ZNFX1: variants seen among roughly 807,000 people sequenced by gnomAD.
ZNFX1 encodes the protein NFX1-type zinc finger-containing protein 1.
A neutral mutation model predicts 179.8 loss-of-function variants in ZNFX1; 78 were observed. The observed-to-expected ratio is 0.43, with a 90% CI of 0.36 to 0.52. ZNFX1 has a LOEUF of 0.52. Ranked by LOEUF, ZNFX1 falls within the 20% of genes least tolerant of loss-of-function variation. ZNFX1 has a pLI of 0.00. For synonymous variants in ZNFX1, 848 were observed against 868.5 expected (o/e 0.98, Z 0.42); for missense variants, 1,927 against 2,386.6 (o/e 0.81, Z 4.01).
At position 49,266,492 on chromosome 20, in the gene ZNFX1, T is replaced by A. The variant is rs200138785; in HGVS notation, c.1871-226A>T. Reference sequence around the variant, plus strand: ...TTCTTTTGTAACTTTACAGAGACAGTATATCCACGCATATACAAACAATAC... The same window carrying A: ...TTCTTTTGTAACTTTACAGAGACAGAATATCCACGCATATACAAACAATAC... On this transcript the variant is annotated intron_variant, in intron 3 of 13. Transcript: ENST00000396105. Among the ~76,000 whole-genome samples the A allele has an allele frequency of 2.0e-5, 3 of 152,336 alleles. No individual in the cohort carries two copies. The East Asian group carries it at 5.8e-4, about 29-fold the overall frequency.
chr20:49,246,979 C>T lies in ZNFX1; in HGVS notation c.*288G>A. ...CGCCTCCTGGGTTTAAGCGATTCTT[C>T]TGCCTCAGCCTCCCAAGTAGCTGGG... On this transcript the variant is annotated 3_prime_UTR_variant, in exon 14 of 14. Coordinates refer to ENST00000396105, the MANE Select transcript of ZNFX1 (RefSeq NM_021035.3). 1 of 433,294 alleles carries T rather than the reference C, an allele frequency of 2.3e-6. No individual in the cohort carries two copies. The highest frequency in any genetic ancestry group is 4.4e-6 in the Non-Finnish European group (1 of 229,332). The allele number at this position is 433,294 out of a possible 1,614,324, so 26.8% of individuals were successfully genotyped here. A position where few individuals can be genotyped will look rare whatever the true frequency, so the allele number is the denominator to read the frequency against.
At chr20:49,255,746 G>T in intron 9 of ZNFX1, 62 bp downstream of exon 9, 1 of 1,531,188 alleles carries the variant, frequency 6.5e-7, no homozygotes, top group Non-Finnish European at 8.8e-7. Flanking sequence ...TGGAGGTGGA[G>T]AATGTTCTAG....
chr20:49,259,448 GACTATGTCTGTC>G (rs1296005815), intron 7 of ZNFX1, among the ~76,000 whole-genome samples: 1 of 147,006 alleles, frequency 6.8e-6, no homozygotes, highest in Non-Finnish European at 1.5e-5. Flanking sequence ...TTTTTTTTGA[GACTATGTCTGTC>G]ACTCAGGCTG....
At chr20:49,269,641 A>T (rs902314005) in intron 3 of ZNFX1, among the ~76,000 whole-genome samples, 3 of 152,174 alleles carry the variant, frequency 2.0e-5, no homozygotes, top group Non-Finnish European at 4.4e-5. Context: ...GAATCGTGCC[A>T]CTGCACTCCA....
In ZNFX1 at chr20:49,247,612, C is replaced by G. The variant is rs879094105; in HGVS notation, c.5412G>C (p.Glu1804Asp). The change falls in exon 14 of 14, where the codon GAG becomes GAC. Residue 1804 changes from glutamate (E) to aspartate (D), a missense_variant. Physicochemically the swap from Glu to Asp is conservative, Grantham distance 45 (BLOSUM62 2). Coordinates refer to ENST00000396105, the MANE Select transcript of ZNFX1 (RefSeq NM_021035.3). Reference sequence around the variant, plus strand: ...TCTTTTCCTGCACAAGTTGTTCATCCTCTTGGGTGAACTTACATGTTTTCT... The same window carrying G: ...TCTTTTCCTGCACAAGTTGTTCATCGTCTTGGGTGAACTTACATGTTTTCT... ...ILEKTCKFTQEDEQLVQEKME... is the reference protein window; with the variant it reads ...ILEKTCKFTQDDEQLVQEKME... 2 of 1,614,226 alleles carry G rather than the reference C, an allele frequency of 1.2e-6. No individual in the cohort carries two copies. Among genetic ancestry groups the G allele is most frequent in the Admixed American group, 1.7e-5 (1 of 60,020 alleles).
At chr20:49,252,476 C>T (rs895589452) in intron 12 of ZNFX1, among the ~76,000 whole-genome samples, 3 of 151,600 alleles carry the variant, frequency 2.0e-5, no homozygotes, top group African/African-American at 7.3e-5. Flanking sequence ...GAAAGAAAAT[C>T]TAGAGAGATA....
At chr20:49,251,891 G>A (rs533720904) in intron 12 of ZNFX1, among the ~76,000 whole-genome samples, 58 of 149,142 alleles carry the variant, frequency 3.9e-4, no homozygotes, top group South Asian at 2.7e-3. Context: ...GTGCAGTGGC[G>A]CAATCTCAGC....
intron 1 of ZNFX1, among the ~76,000 whole-genome samples, chr20:49,276,866 A>C (rs1981575094): frequency 6.6e-6 from 1 of 152,188 alleles, no homozygotes; most frequent in African/African-American, 2.4e-5. Context: ...TCATCTTATC[A>C]AACCCAGCCC....
chr20:49,276,574 T>C (rs1314526066), intron 1 of ZNFX1, among the ~76,000 whole-genome samples: 1 of 152,336 alleles, frequency 6.6e-6, no homozygotes, highest in Middle Eastern at 3.4e-3. Flanking sequence ...TCTTCTACCT[T>C]GGTGATTTTT....
chr20:49,256,629 G>C (rs1980976583), intron 8 of ZNFX1, among the ~76,000 whole-genome samples: 1 of 152,210 alleles, frequency 6.6e-6, no homozygotes, highest in African/African-American at 2.4e-5. Flanking sequence ...TCTTCCCGCT[G>C]CTTCAAAATG....
rs765955697 is a variant in ZNFX1, at chr20:49,271,555, C to T, written c.257G>A (p.Gly86Glu). The change falls in exon 3 of 14, where the codon GGG becomes GAG. Residue 86 changes from glycine (G) to glutamate (E), a missense_variant. By Grantham distance (98) the Gly-to-Glu change is moderately conservative. Transcript: ENST00000396105. ...GTCTCTAGCTTCGTCGCTGGCATGC[C>T]CCTCCTGGTTCCTCCTTCCTTGATG... ...NPHQGRRNQE[G>E]HASDEARDQR... The T allele has an allele frequency of 1.2e-6, 2 of 1,614,144 alleles. No homozygotes were observed. The highest frequency in any genetic ancestry group is 3.3e-5 in the Admixed American group (2 of 60,002).
chr20:49,253,877 C>A, intron 10 of ZNFX1, 66 bp from the exon 11 acceptor site: 1 of 1,582,950 alleles, frequency 6.3e-7, no homozygotes, highest in Non-Finnish European at 8.6e-7. Context: ...GGCCACTGGG[C>A]CTCTGGGAAT....
In ZNFX1 at chr20:49,247,603, T is replaced by C. The variant is rs1980711460; in HGVS notation, c.5421A>G (p.Gln1807=). 1.2e-6 allele frequency: 2 copies of C among 1,614,118 alleles called. No individual in the cohort carries two copies. Among genetic ancestry groups the C allele is most frequent in the Non-Finnish European group, 8.5e-7 (1 of 1,180,048 alleles). ...GAGCTTCCATCTTTTCCTGCACAAGTTGTTCATCCTCTTGGGTGAACTTAC... is the reference window on the plus strand; with the variant it reads ...GAGCTTCCATCTTTTCCTGCACAAGCTGTTCATCCTCTTGGGTGAACTTAC... ...KTCKFTQEDE[Q]LVQEKMEALK... is the part of the protein sequence containing the mutation. The change falls in exon 14 of 14, where the codon CAA becomes CAG. Residue 1807 remains glutamine (Q), a synonymous_variant. Coordinates refer to ENST00000396105, the MANE Select transcript of ZNFX1 (RefSeq NM_021035.3).
At chr20:49,275,198 C>G (rs1157439058) in intron 2 of ZNFX1, among the ~76,000 whole-genome samples, 1 of 152,188 alleles carries the variant, frequency 6.6e-6, no homozygotes, top group African/African-American at 2.4e-5. Flanking sequence ...CTGCTCTACA[C>G]CAAACGTCAT....
Position 49,255,884 on chromosome 20 carries a change from T to G in ZNFX1, c.2728A>C (p.Thr910Pro), listed in dbSNP as rs2273148. The G allele has an allele frequency of 6.2e-7, 1 of 1,614,200 alleles. No individual in the cohort carries two copies. Among genetic ancestry groups the G allele is most frequent in the Non-Finnish European group, 8.5e-7 (1 of 1,180,040 alleles). Residue 910 changes from threonine (T) to proline (P), a missense_variant, in exon 9 of 14, where the codon ACC becomes CCC. By Grantham distance (38) the Thr-to-Pro change is conservative. Transcript: ENST00000396105. The stretch of plus-strand genomic sequence containing the variant: ...TCGTTGGCCTCGGCTGCAGTCATGG[T>G]GTTCAGTTTGCGAAGCTCATCCTTC... ...RVKDELRKLN[T>P]MTAAEANEIE...
rs1981084490 is a variant in ZNFX1, at chr20:49,260,373, T to A, written c.2416+90A>T. On this transcript the variant is annotated intron_variant, in intron 7 of 13. Transcript: ENST00000396105. ...TCTGATTGACTCATAGCTCTTTATT[T>A]ATTCTGGGAATTATTTTTAAGTCTC... 9 of 795,150 alleles carry A rather than the reference T, an allele frequency of 1.1e-5. No individual in the cohort carries two copies. The East Asian group carries it at 2.6e-4, about 23-fold the overall frequency. 49.3% of individuals were successfully genotyped at this position (795,150 alleles called of 1,614,324 possible). A position where few individuals can be genotyped will look rare whatever the true frequency, so the allele number is the denominator to read the frequency against.
At chr20:49,251,417 A>G in intron 13 of ZNFX1, 110 bp downstream of exon 13, 5 of 860,212 alleles carry the variant, frequency 5.8e-6, no homozygotes, top group Non-Finnish European at 9.0e-6. Context: ...CTGGGATTAC[A>G]GGTGTGAGCC....
chr20:49,257,359 G>A, intron 8 of ZNFX1, 58 bp downstream of exon 8: 1 of 1,599,094 alleles, frequency 6.3e-7, no homozygotes, highest in Non-Finnish European at 8.5e-7. Context: ...CAGAAGTGGG[G>A]GAAAACAAGC....
Position 49,246,932 on chromosome 20 carries a change from G to A in ZNFX1, c.*335C>T. On this transcript the variant is annotated 3_prime_UTR_variant, in exon 14 of 14. Coordinates refer to ENST00000396105, the MANE Select transcript of ZNFX1 (RefSeq NM_021035.3). The stretch of plus-strand genomic sequence containing the variant: ...CGCCCAGACTGGAGTGCAATGGCAT[G>A]ATCTCAGCTCACTGCAACCTCCGCC... 2 of 463,794 alleles carry A rather than the reference G, an allele frequency of 4.3e-6. No individual in the cohort carries two copies. The highest frequency in any genetic ancestry group is 1.6e-5 in the South Asian group (1 of 62,976). 28.7% of individuals were successfully genotyped at this position (463,794 alleles called of 1,614,324 possible). A position where few individuals can be genotyped will look rare whatever the true frequency, so the allele number is the denominator to read the frequency against.
Sources: gnomAD v4.1 joint callset for allele counts (sites outside exome capture counted in the v4.1 genomes callset) on GRCh38, gnomAD v4.1.1 for gene constraint, MANE v1.5 for transcripts, NCBI Gene and HGNC (gene_info 2026-07-23, HGNC 2026-07-21) for gene names.